PGAP1: variants seen among roughly 807,000 people sequenced by gnomAD.
The protein encoded by PGAP1 is GPI inositol-deacylase.
In PGAP1, 76 loss-of-function variants were observed where a neutral mutation model predicts 127.0. The observed-to-expected ratio is 0.60, with a 90% CI of 0.50 to 0.72. The LOEUF (loss-of-function observed/expected upper bound fraction) is 0.72, where lower values mean the gene tolerates loss of function less well. Ranked by LOEUF, PGAP1 falls within the 30% of genes least tolerant of loss-of-function variation. The probability of loss-of-function intolerance (pLI) is 0.00; values close to 1 mark genes in which losing one functional copy is unlikely to be tolerated. For synonymous variants in PGAP1, 362 were observed against 366.5 expected (o/e 0.99, Z 0.14); for missense variants, 982 against 1,071.3 (o/e 0.92, Z 1.16).
At chr2:196,881,966 C>T (rs930277338) in intron 12 of PGAP1, among the ~76,000 whole-genome samples, 2 of 152,230 alleles carry the variant, frequency 1.3e-5, no homozygotes, top group Non-Finnish European at 2.9e-5. Flanking sequence ...TTGTTTTCCA[C>T]ATTTTTTATA....
chr2:196,855,272 G>A (rs1384133053), intron 20 of PGAP1, among the ~76,000 whole-genome samples: 1 of 143,048 alleles, frequency 7.0e-6, no homozygotes, highest in East Asian at 2.0e-4. Flanking sequence ...GTTGCAGTGA[G>A]CCTAGATCGA....
At chr2:196,852,068 A>G (rs1700736937) in intron 20 of PGAP1, among the ~76,000 whole-genome samples, 1 of 152,148 alleles carries the variant, frequency 6.6e-6, no homozygotes, top group South Asian at 2.1e-4. Flanking sequence ...TCAGAAATGT[A>G]ATTTGGATCT....
At chr2:196,870,515 C>T (rs1431234460) in intron 19 of PGAP1, among the ~76,000 whole-genome samples, 3 of 152,030 alleles carry the variant, frequency 2.0e-5, no homozygotes, top group African/African-American at 4.8e-5. Flanking sequence ...AGGCTGGTCT[C>T]GAACTCCTGA....
intron 5 of PGAP1, 89 bp downstream of exon 5, chr2:196,902,496 A>G: frequency 8.7e-7 from 1 of 1,153,738 alleles, no homozygotes; most frequent in South Asian, 1.6e-5. Context: ...CTCAGCAGTC[A>G]TTACCATGCA....
intron 21 of PGAP1, 136 bp downstream of exon 21, chr2:196,847,811 G>C (rs1438156967): frequency 3.5e-6 from 2 of 567,288 alleles, no homozygotes; most frequent in South Asian, 2.7e-5. Context: ...CTTTGCCTAA[G>C]AGAAAAAAAA....
At chr2:196,885,907 C>CA in intron 10 of PGAP1, 27 bp from the exon 11 acceptor site, 1 of 1,351,644 alleles carries the variant, frequency 7.4e-7, no homozygotes, top group Non-Finnish European at 9.6e-7. Context: ...CAAAACAAAA[C>CA]ACACTAAGTA....
chr2:196,858,198 G>A (rs1010779281), intron 20 of PGAP1, among the ~76,000 whole-genome samples: 3 of 151,958 alleles, frequency 2.0e-5, no homozygotes, highest in Non-Finnish European at 4.4e-5. Context: ...TCAGGAGATC[G>A]AGACCATCCT....
intron 20 of PGAP1, among the ~76,000 whole-genome samples, chr2:196,856,871 T>C (rs746636132): frequency 6.6e-6 from 1 of 152,258 alleles, no homozygotes. Context: ...CATTTTACTT[T>C]GTATTTCCCC....
At chr2:196,885,808 A>C (rs1238019367) in intron 11 of PGAP1, 26 bp downstream of exon 11, 1 of 1,380,070 alleles carries the variant, frequency 7.2e-7, no homozygotes, top group East Asian at 2.7e-5. Flanking sequence ...TGTTGAGATA[A>C]ATGAACATGC....
At chr2:196,875,051 A>G (rs942545680) in intron 14 of PGAP1, among the ~76,000 whole-genome samples, 63 of 152,272 alleles carry the variant, frequency 4.1e-4, no homozygotes, top group African/African-American at 1.4e-3. Context: ...GACAACTCCA[A>G]ATAAGGAACA....
intron 12 of PGAP1, among the ~76,000 whole-genome samples, chr2:196,884,325 T>C (rs940489708): frequency 6.6e-6 from 1 of 152,010 alleles, no homozygotes; most frequent in Non-Finnish European, 1.5e-5. Flanking sequence ...TCCTAACACT[T>C]TTGTTTGTTT....
At position 196,921,200 on chromosome 2, in the gene PGAP1, AAAC is replaced by A. The variant is rs1233563617; in HGVS notation, c.148-1053_148-1051del. Among the ~76,000 whole-genome samples the A allele has an allele frequency of 2.6e-5, 4 of 151,386 alleles. No individual in the cohort carries two copies. In the South Asian group the frequency reaches 8.3e-4, roughly 31 times the overall value. Reference sequence around the variant, plus strand: ...ACCCTCGTTGTTCTAAAAAAAAAAAAAACACACACACACAAAACAACAAAATTC... The same window carrying A: ...ACCCTCGTTGTTCTAAAAAAAAAAAAACACACACACAAAACAACAAAATTC... On this transcript the variant is annotated intron_variant, in intron 1 of 26. Transcript: ENST00000354764.
At chr2:196,902,173 C>T (rs117923480) in intron 5 of PGAP1, among the ~76,000 whole-genome samples, 1 of 152,088 alleles carries the variant, frequency 6.6e-6, no homozygotes, top group African/African-American at 2.4e-5. Flanking sequence ...GCACTTACCA[C>T]CATGCCAAAT....
intron 7 of PGAP1, among the ~76,000 whole-genome samples, chr2:196,895,094 C>A (rs1057237743): frequency 1.3e-5 from 2 of 152,150 alleles, no homozygotes; most frequent in African/African-American, 4.8e-5. Flanking sequence ...CAGTCAATTA[C>A]ACATAGTGAG....
Position 196,872,480 on chromosome 2 carries a change from T to C in PGAP1, c.1689A>G (p.Ala563=). 6.2e-7 allele frequency: 1 copy of C among 1,613,176 alleles called. No homozygotes were observed. Among genetic ancestry groups the C allele is most frequent in the Non-Finnish European group, 8.5e-7 (1 of 1,179,168 alleles). The change falls in exon 18 of 27, where the codon GCA becomes GCG. Residue 563 remains alanine, a synonymous_variant. Coordinates refer to ENST00000354764, the MANE Select transcript of PGAP1 (RefSeq NM_024989.4). ...IAQPENNTHV[A]LFKMYTSSDC... ...CTGATGACGTGTACATTTTAAATAA[T>C]GCCACATGGGTATTGTTTTCTGGTT...
At chr2:196,906,897 G>A (rs1473447603) in intron 4 of PGAP1, among the ~76,000 whole-genome samples, 1 of 128,202 alleles carries the variant, frequency 7.8e-6, no homozygotes, top group East Asian at 2.2e-4. Context: ...GGGAAGTTTA[G>A]AGAAAAAAGA....
chr2:196,912,487 C>T (rs907901127), intron 4 of PGAP1, among the ~76,000 whole-genome samples: 6 of 147,412 alleles, frequency 4.1e-5, no homozygotes, highest in Non-Finnish European at 7.4e-5. Context: ...GGCTGAAGCA[C>T]GAGAATCGCT....
chr2:196,919,278 T>A (rs751777886), intron 2 of PGAP1, among the ~76,000 whole-genome samples: 1 of 152,180 alleles, frequency 6.6e-6, no homozygotes, highest in Non-Finnish European at 1.5e-5. Flanking sequence ...ATGCTCTGGA[T>A]CCCTAATACC....
intron 3 of PGAP1, among the ~76,000 whole-genome samples, chr2:196,914,129 C>T (rs926108971): frequency 6.6e-6 from 1 of 152,110 alleles, no homozygotes; most frequent in Non-Finnish European, 1.5e-5. Flanking sequence ...AAACCTATCC[C>T]CTTTGACCTT....
Sources: gnomAD v4.1 joint callset for allele counts (sites outside exome capture counted in the v4.1 genomes callset) on GRCh38, gnomAD v4.1.1 for gene constraint, MANE v1.5 for transcripts, NCBI Gene and HGNC (gene_info 2026-07-23, HGNC 2026-07-21) for gene names.